Variants in ARHGAP32 observed in about 807,000 individuals in gnomAD.
ARHGAP32 encodes the protein Rho GTPase activating protein 32, also known as rho GTPase-activating protein 32.
In ARHGAP32, 51 loss-of-function variants were observed where a neutral mutation model predicts 186.5. The observed-to-expected ratio is 0.27, with a 90% CI of 0.22 to 0.35. The LOEUF (loss-of-function observed/expected upper bound fraction) is 0.35, where lower values mean the gene tolerates loss of function less well. Ranked by LOEUF, ARHGAP32 falls within the 10% of genes least tolerant of loss-of-function variation. ARHGAP32 has a pLI of 1.00. For synonymous variants in ARHGAP32, 950 were observed against 964.3 expected (o/e 0.99, Z 0.27); for missense variants, 2,186 against 2,623.5 (o/e 0.83, Z 3.64).
chr11:129,085,732 G>A (rs1333112933), intron 6 of ARHGAP32, among the ~76,000 whole-genome samples: 5 of 152,072 alleles, frequency 3.3e-5, no homozygotes, highest in Admixed American at 6.6e-5. Flanking sequence ...GGCTGGGTGC[G>A]GTGGCTCATA....
At chr11:129,121,205 A>G (rs1942520794) in intron 5 of ARHGAP32, among the ~76,000 whole-genome samples, 1 of 152,036 alleles carries the variant, frequency 6.6e-6, no homozygotes. Flanking sequence ...ATGGCATTCA[A>G]TCAGTCCATC....
chr11:129,271,062 T>C (rs764389872), intron 1 of ARHGAP32, among the ~76,000 whole-genome samples: 48 of 152,036 alleles, frequency 3.2e-4, no homozygotes, highest in Admixed American at 5.2e-4. Flanking sequence ...AAATGAAGGG[T>C]TTATTTCCAC....
intron 10 of ARHGAP32, among the ~76,000 whole-genome samples, chr11:129,048,552 G>A (rs1939907510): frequency 6.6e-6 from 1 of 151,990 alleles, no homozygotes; most frequent in Admixed American, 6.6e-5. Context: ...AAGGGTTTAA[G>A]AATATATTTG....
chr11:129,043,573 A>T (rs1460432078), intron 10 of ARHGAP32, among the ~76,000 whole-genome samples: 1 of 151,642 alleles, frequency 6.6e-6, no homozygotes, highest in Non-Finnish European at 1.5e-5. Flanking sequence ...TTTTTAGTAG[A>T]GATGGGTTTT....
chr11:129,022,896 G>A (rs772533757), intron 11 of ARHGAP32, among the ~76,000 whole-genome samples: 15 of 151,948 alleles, frequency 9.9e-5, no homozygotes, highest in Non-Finnish European at 1.9e-4. Flanking sequence ...ATGCCATATA[G>A]CATTCTTTTT....
intron 6 of ARHGAP32, among the ~76,000 whole-genome samples, chr11:129,078,672 T>C (rs1321141706): frequency 1.3e-5 from 2 of 151,996 alleles, no homozygotes; most frequent in Admixed American, 6.5e-5. Flanking sequence ...TTTGTATTTT[T>C]AGTAGAGACA....
intron 5 of ARHGAP32, among the ~76,000 whole-genome samples, chr11:129,100,861 CT>C (rs1384685497): frequency 2.6e-5 from 4 of 152,182 alleles, no homozygotes; most frequent in Non-Finnish European, 5.9e-5. Flanking sequence ...TGCATTGCCC[CT>C]GCCACTGTGG....
At chr11:129,016,596 TTCTC>T (rs987123516) in intron 11 of ARHGAP32, among the ~76,000 whole-genome samples, 2 of 152,232 alleles carry the variant, frequency 1.3e-5, no homozygotes, top group African/African-American at 2.4e-5. Flanking sequence ...GTTGTCTCAT[TTCTC>T]TCTATCAATA....
At chr11:129,218,361 A>G (rs908048125) in intron 1 of ARHGAP32, among the ~76,000 whole-genome samples, 3 of 151,514 alleles carry the variant, frequency 2.0e-5, no homozygotes, top group African/African-American at 7.3e-5. Flanking sequence ...ACTGTTTATA[A>G]CTCTCCACGT....
At chr11:129,268,664 C>CAAAAAAAAAAAA (rs58858606) in intron 1 of ARHGAP32, among the ~76,000 whole-genome samples, 1 of 46,398 alleles carries the variant, frequency 2.2e-5, no homozygotes, top group Non-Finnish European at 3.6e-5. Flanking sequence ...GCCTCCTCAC[C>CAAAAAAAAAAAA]AAAAAAAAAA....
intron 10 of ARHGAP32, among the ~76,000 whole-genome samples, chr11:129,047,286 T>C (rs1352603536): frequency 6.6e-6 from 1 of 152,194 alleles, no homozygotes; most frequent in Admixed American, 6.5e-5. Flanking sequence ...CAATTGGAAT[T>C]ATTTGGCCTC....
At chr11:129,193,732 A>ATATATTATATATTATATATT (rs1491217015), upstream of ARHGAP32, among the ~76,000 whole-genome samples, 185 of 80,274 alleles carry the variant, frequency 2.3e-3, no homozygotes, top group African/African-American at 4.9e-3. Context: ...TATTATATAT[A>ATATATTATATATTATATATT]ATATATATTA....
intron 1 of ARHGAP32, among the ~76,000 whole-genome samples, chr11:129,187,738 T>A (rs1944191392): frequency 6.6e-6 from 1 of 152,106 alleles, no homozygotes; most frequent in Non-Finnish European, 1.5e-5. Context: ...CTAAACTAAA[T>A]CCCAGATGTT....
Position 129,073,923 on chromosome 11 carries a change from A to T in ARHGAP32, c.532-7055T>A, listed in dbSNP as rs371367278. ...TCAGAAACCACAGAAGCAAGAAGAG[A>T]GTAGAGTAAATGTTTTAAGTATTAA... On this transcript the variant is annotated intron_variant, in intron 6 of 22. Coordinates refer to ENST00000682385, the MANE Select transcript of ARHGAP32 (RefSeq NM_001378024.1). 2.8e-3 allele frequency among the ~76,000 whole-genome samples: 422 copies of T among 152,286 alleles called. 6 individuals carry two copies. The South Asian group carries it at 0.044, about 16-fold the overall frequency.
chr11:129,036,405 A>AAG (rs1565388414), intron 11 of ARHGAP32, among the ~76,000 whole-genome samples: 21 of 147,312 alleles, frequency 1.4e-4, no homozygotes, highest in East Asian at 2.0e-4. Context: ...AAAAAAAAAA[A>AAG]AGAGAGAAAG....
chr11:129,036,816 G>A (rs1478608735), intron 11 of ARHGAP32, among the ~76,000 whole-genome samples: 1 of 152,120 alleles, frequency 6.6e-6, no homozygotes, highest in African/African-American at 2.4e-5. Context: ...ACAAGACACG[G>A]ATGCTTGTAC....
At position 128,976,568 on chromosome 11, in the gene ARHGAP32, A is replaced by T. The variant is rs777719303; in HGVS notation, c.2189T>A (p.Val730Asp). 3 of 1,613,514 alleles carry T rather than the reference A, an allele frequency of 1.9e-6. No individual in the cohort carries two copies. Among genetic ancestry groups the T allele is most frequent in the Non-Finnish European group, 2.5e-6 (3 of 1,179,468 alleles). The change falls in exon 20 of 23, where the codon GTT (valine) becomes GAT (aspartate). Residue 730 changes from valine to aspartate, a missense_variant. Coordinates refer to ENST00000682385, the MANE Select transcript of ARHGAP32 (RefSeq NM_001378024.1). The stretch of plus-strand genomic sequence containing the variant: ...ACTGATGCTTTTAGTCTTACCATCA[A>T]CTGCATGGAGAGATGTAAGAGACTC... Reference protein sequence around the residue: ...SEESLTSLHAVDGDSKLFRPR... With the variant: ...SEESLTSLHADDGDSKLFRPR...
intron 2 of ARHGAP32, among the ~76,000 whole-genome samples, chr11:129,141,480 G>A (rs2135428167): frequency 6.6e-6 from 1 of 152,206 alleles, no homozygotes; most frequent in East Asian, 1.9e-4. Context: ...CATGGGGTAG[G>A]GGGATGGGGA....
In ARHGAP32 at chr11:128,968,919, G is replaced by C. The variant is rs1482733243; in HGVS notation, c.6294C>G (p.Ile2098Met). Residue 2098 changes from isoleucine (I) to methionine (M), a missense_variant, in exon 23 of 23, where the codon ATC (isoleucine) becomes ATG (methionine). Ile to Met is a conservative substitution (Grantham distance 10). Coordinates refer to ENST00000682385, the MANE Select transcript of ARHGAP32 (RefSeq NM_001378024.1). Reference sequence around the variant, plus strand: ...TTGCTCGCAGGGCTCATTCTGCATGGATCTGTGTTTCAGGATGCTGCAAGG... The same window carrying C: ...TTGCTCGCAGGGCTCATTCTGCATGCATCTGTGTTTCAGGATGCTGCAAGG... ...ELSLQHPETQ[I>M]HAE 1 of 1,531,750 alleles carries C rather than the reference G, an allele frequency of 6.5e-7. No homozygotes were observed. The highest frequency in any genetic ancestry group is 1.4e-5 in the African/African-American group (1 of 73,168). The allele number at this position is 1,531,750 out of a possible 1,614,324, so 94.9% of individuals were successfully genotyped here.
Sources: gnomAD v4.1 joint callset for allele counts (sites outside exome capture counted in the v4.1 genomes callset) on GRCh38, gnomAD v4.1.1 for gene constraint, MANE v1.5 for transcripts, NCBI Gene and HGNC (gene_info 2026-07-23, HGNC 2026-07-21) for gene names.